CEP72: variants seen among roughly 807,000 people sequenced by gnomAD.
CEP72 encodes the protein centrosomal protein 72.
Under a neutral mutation model 65.7 loss-of-function variants are expected in CEP72, and 78 were observed. The observed-to-expected ratio is 1.19, with a 90% confidence interval of 0.99 to 1.43. The LOEUF is 1.43. CEP72 is among the 40% of genes most tolerant of loss of function. CEP72 has a pLI of 0.00. For missense variants in CEP72, 914 were observed against 832.9 expected (o/e 1.10, Z -1.20); for synonymous variants, 358 against 351.7 (o/e 1.02, Z -0.20).
chr5:613,945 T>C (rs1579913238), intron 1 of CEP72, among the ~76,000 whole-genome samples: 1 of 152,202 alleles, frequency 6.6e-6, no homozygotes, highest in East Asian at 1.9e-4. Flanking sequence ...CCTGAGGCAG[T>C]AGGCACCACA....
At chr5:639,935 G>A (rs1372948653) in intron 8 of CEP72, among the ~76,000 whole-genome samples, 2 of 152,196 alleles carry the variant, frequency 1.3e-5, no homozygotes, top group Non-Finnish European at 2.9e-5. Context: ...CCCTGCAGTC[G>A]CAGCCCACCT....
chr5:640,787 C>A, intron 9 of CEP72, 183 bp downstream of exon 9: 2 of 985,476 alleles, frequency 2.0e-6, no homozygotes, highest in Non-Finnish European at 2.4e-6. Context: ...TGTCTCACAA[C>A]AGGCCTGGAG....
intron 4 of CEP72, among the ~76,000 whole-genome samples, chr5:629,656 A>G (rs6880039): frequency 6.2e-3 from 251 of 40,332 alleles, no homozygotes; most frequent in African/African-American, 0.021. Context: ...CCGGGATTTG[A>G]CCCAGTCCTG....
downstream of CEP72, among the ~76,000 whole-genome samples, chr5:670,092 TG>T (rs1012421810): frequency 5.9e-5 from 9 of 152,100 alleles, no homozygotes; most frequent in African/African-American, 2.2e-4. Context: ...CCCTGGCCTC[TG>T]GGCCTGGTTC....
intron 4 of CEP72, among the ~76,000 whole-genome samples, chr5:626,387 G>A (rs866526008): frequency 1.3e-5 from 2 of 152,130 alleles, no homozygotes; most frequent in Admixed American, 6.5e-5. Flanking sequence ...GTCTTCATGC[G>A]GAGAAGGCTC....
chr5:619,142 A>G, intron 2 of CEP72, 25 bp downstream of exon 2: 1 of 1,601,278 alleles, frequency 6.2e-7, no homozygotes, highest in Non-Finnish European at 8.5e-7. Flanking sequence ...TCTTTCTTAA[A>G]ATTTATTGCT....
downstream of CEP72, among the ~76,000 whole-genome samples, chr5:668,207 C>G (rs79129291): frequency 1.6e-3 from 147 of 93,200 alleles, 4 homozygotes; most frequent in African/African-American, 5.0e-3. Context: ...AGGGAAGTAC[C>G]GACAAGCACA....
chr5:634,415 C>T (rs1284400034), intron 5 of CEP72, among the ~76,000 whole-genome samples: 1 of 152,246 alleles, frequency 6.6e-6, no homozygotes, highest in Non-Finnish European at 1.5e-5. Context: ...TGGGCTTTAG[C>T]TTCATTTATT....
intron 9 of CEP72, chr5:641,346 C>T (rs1212523770): frequency 3.0e-6 from 3 of 985,310 alleles, no homozygotes; most frequent in African/African-American, 1.7e-5. Flanking sequence ...GGTGTGAGGG[C>T]AGAGCCACGT....
In CEP72 at chr5:647,873, G is replaced by A. The variant is rs141203976; in HGVS notation, c.1735G>A (p.Asp579Asn). ...VELKQHLEHY[D>N]KIQELTQMLQ... ...ACTGAAGCAGCACCTGGAGCACTACGACAAGATCCAGGAGCTCACGCAGAT... is the reference window on the plus strand; with the variant it reads ...ACTGAAGCAGCACCTGGAGCACTACAACAAGATCCAGGAGCTCACGCAGAT... The change falls in exon 11 of 12, where the codon GAC becomes AAC. Residue 579 changes from aspartate to asparagine, a missense_variant. Transcript: ENST00000264935. The A allele has an allele frequency of 7.0e-5, 113 of 1,612,552 alleles. No individual in the cohort carries two copies. In the African/African-American group the frequency reaches 1.2e-3, roughly 18 times the overall value.
intron 9 of CEP72, 28 bp from the exon 10 acceptor site, chr5:644,271 C>T (rs2126804085): frequency 1.2e-6 from 2 of 1,608,368 alleles, no homozygotes; most frequent in East Asian, 4.5e-5. Flanking sequence ...TTGACTTGTG[C>T]ACTTAAGTGT....
At chr5:666,179 C>G in intron 4 of CEP72, 5 of 1,574,454 alleles carry the variant, frequency 3.2e-6, no homozygotes, top group East Asian at 2.3e-5. Flanking sequence ...GGCTGCCCTC[C>G]CCACGCGTGG....
chr5:649,796 T>C (rs1250805517), intron 11 of CEP72, among the ~76,000 whole-genome samples: 2 of 45,832 alleles, frequency 4.4e-5, no homozygotes, highest in African/African-American at 1.1e-4. Flanking sequence ...GACTGAGGTG[T>C]GACTGTGAGG....
At chr5:660,481 C>T (rs1193362590), downstream of CEP72, 1 of 152,340 alleles carries the variant, frequency 6.6e-6, no homozygotes, top group East Asian at 1.9e-4. Flanking sequence ...GATGCAGGTT[C>T]AGTGTTTGAA....
At chr5:656,019 C>T (rs1185396703), downstream of CEP72, among the ~76,000 whole-genome samples, 1 of 152,128 alleles carries the variant, frequency 6.6e-6, no homozygotes, top group Non-Finnish European at 1.5e-5. Flanking sequence ...ACTCTGTTAC[C>T]TTCCAAAGGA....
chr5:638,499 C>T (rs1417442034), intron 7 of CEP72, among the ~76,000 whole-genome samples: 3 of 150,658 alleles, frequency 2.0e-5, no homozygotes, highest in East Asian at 2.0e-4. Context: ...CTTGAAGGTG[C>T]GGAACTGTGG....
chr5:654,455 C>CTGTGTGTGTG (rs70955277), downstream of CEP72, among the ~76,000 whole-genome samples: 2 of 148,922 alleles, frequency 1.3e-5, no homozygotes, highest in Non-Finnish European at 3.0e-5. Flanking sequence ...GTGTGTGCTT[C>CTGTGTGTGTG]TGTGTGTGTG....
chr5:612,791 C>G (rs1047077393), intron 1 of CEP72, among the ~76,000 whole-genome samples: 1 of 152,250 alleles, frequency 6.6e-6, no homozygotes, highest in Admixed American at 6.5e-5. Flanking sequence ...CCTGGTTCTC[C>G]TGGGCCCACT....
intron 6 of CEP72, 129 bp downstream of exon 6, chr5:635,713 G>C: frequency 1.4e-6 from 1 of 720,090 alleles, no homozygotes; most frequent in East Asian, 2.7e-5. Context: ...GCACGGTGCC[G>C]GCACCTGGTG....
Sources: allele counts gnomAD v4.1 joint callset (sites outside exome capture counted in the v4.1 genomes callset), GRCh38; gene constraint gnomAD v4.1.1; transcripts MANE v1.5; gene names NCBI Gene and HGNC (gene_info 2026-07-23, HGNC 2026-07-21).